The following TESK2 variants were observed in gnomAD, a reference collection of about 807,000 sequenced individuals.
The protein encoded by TESK2 is testis associated actin remodelling kinase 2, also known as dual specificity testis-specific protein kinase 2.
In TESK2, 39 loss-of-function variants were observed where a neutral mutation model predicts 57.1. The observed-to-expected ratio is 0.68, with a 90% CI of 0.53 to 0.89. TESK2 has a LOEUF of 0.89. Ranked by LOEUF, TESK2 falls within the 40% of genes least tolerant of loss-of-function variation. TESK2 has a pLI of 0.00. For missense variants in TESK2, 646 were observed against 732.1 expected (o/e 0.88, Z 1.36); for synonymous variants, 249 against 267.9 (o/e 0.93, Z 0.69).
intron 4 of TESK2, among the ~76,000 whole-genome samples, chr1:45,367,393 C>A (rs897466789): frequency 6.6e-6 from 1 of 151,722 alleles, no homozygotes; most frequent in African/African-American, 2.4e-5. Context: ...TCATTTGGTT[C>A]CTCGTTCTCC....
intron 3 of TESK2, among the ~76,000 whole-genome samples, chr1:45,397,477 C>T (rs1570688117): frequency 1.3e-5 from 2 of 152,266 alleles, no homozygotes; most frequent in South Asian, 2.1e-4. Context: ...TTACAGATCC[C>T]GATTAAAGTC....
chr1:45,345,447 T>A lies in TESK2; in HGVS notation c.1109A>T (p.Asp370Val), dbSNP rs56051744. ...RTIWLSRSQSDIFSRKPPRTV... is the reference protein window; with the variant it reads ...RTIWLSRSQSVIFSRKPPRTV... ...ACGTGGGGGCTTACGGGAAAAGATATCTGACTGGCTTCGAGACAGCCAGAT... is the reference window on the plus strand; with the variant it reads ...ACGTGGGGGCTTACGGGAAAAGATAACTGACTGGCTTCGAGACAGCCAGAT... Residue 370 changes from aspartate (D) to valine (V), a missense_variant, in exon 11 of 11, where the codon GAT (aspartate) becomes GTT (valine). Physicochemically the swap from Asp to Val is radical, Grantham distance 152 (BLOSUM62 -3). Transcript: ENST00000372086. The A allele has an allele frequency of 1.2e-6, 2 of 1,614,012 alleles. No individual in the cohort carries two copies. Among genetic ancestry groups the A allele is most frequent in the Admixed American group, 3.3e-5 (2 of 59,994 alleles).
intron 3 of TESK2, among the ~76,000 whole-genome samples, chr1:45,389,998 T>A (rs1557553889): frequency 6.6e-6 from 1 of 152,176 alleles, no homozygotes; most frequent in Non-Finnish European, 1.5e-5. Flanking sequence ...AGAATAACAT[T>A]AAAACTTCCC....
At chr1:45,434,855 C>T (rs1228988799) in intron 2 of TESK2, among the ~76,000 whole-genome samples, 2 of 151,872 alleles carry the variant, frequency 1.3e-5, no homozygotes, top group Admixed American at 6.6e-5. Context: ...AATATAGTCC[C>T]ATTTGTCGAT....
intron 2 of TESK2, among the ~76,000 whole-genome samples, chr1:45,429,710 G>A (rs1314437709): frequency 2.0e-5 from 3 of 152,136 alleles, no homozygotes; most frequent in Admixed American, 2.0e-4. Flanking sequence ...GACTTTCCAA[G>A]AAATCAGGAA....
chr1:45,346,911 G>T, intron 8 of TESK2, 68 bp downstream of exon 8: 1 of 1,578,522 alleles, frequency 6.3e-7, no homozygotes, highest in Non-Finnish European at 8.7e-7. Flanking sequence ...TCCATCCCAG[G>T]GACAGAACAG....
chr1:45,432,758 C>CA (rs1651026104), intron 2 of TESK2, among the ~76,000 whole-genome samples: 2 of 87,664 alleles, frequency 2.3e-5, no homozygotes, highest in East Asian at 3.9e-4. Flanking sequence ...AATATTATAA[C>CA]TTTTTTTTTT....
intron 3 of TESK2, among the ~76,000 whole-genome samples, chr1:45,395,836 T>A (rs1412204264): frequency 1.3e-5 from 2 of 152,124 alleles, no homozygotes; most frequent in African/African-American, 4.8e-5. Flanking sequence ...GCCTTATAAC[T>A]TTTTTACTAG....
intron 5 of TESK2, among the ~76,000 whole-genome samples, chr1:45,348,269 A>T (rs2153608): frequency 6.6e-6 from 1 of 152,034 alleles, no homozygotes; most frequent in Non-Finnish European, 1.5e-5. Context: ...GCTAGGCATA[A>T]TTTTAAGTGC....
chr1:45,421,132 G>A (rs1650459297), intron 3 of TESK2, among the ~76,000 whole-genome samples: 1 of 152,100 alleles, frequency 6.6e-6, no homozygotes, highest in Non-Finnish European at 1.5e-5. Flanking sequence ...TGGTGCGCCT[G>A]TAGTTCCAGC....
intron 2 of TESK2, among the ~76,000 whole-genome samples, chr1:45,449,221 C>CAAAAAAAAAAAAAA (rs568238822): frequency 1.8e-5 from 1 of 56,848 alleles, no homozygotes. Flanking sequence ...GACTCTGTCT[C>CAAAAAAAAAAAAAA]AAAAAAAAAA....
At chr1:45,440,724 A>AAAAC (rs201978292) in intron 2 of TESK2, among the ~76,000 whole-genome samples, 1 of 148,744 alleles carries the variant, frequency 6.7e-6, no homozygotes, top group Non-Finnish European at 1.5e-5. Flanking sequence ...TCAAAAAAAA[A>AAAAC]AAACAAACAA....
intron 3 of TESK2, chr1:45,413,881 A>C (rs1350218645): frequency 2.2e-6 from 1 of 455,888 alleles, no homozygotes; most frequent in South Asian, 1.5e-5. Flanking sequence ...CTATAAAAGA[A>C]AGCTTATAAT....
intron 2 of TESK2, among the ~76,000 whole-genome samples, chr1:45,448,118 C>T (rs1212429644): frequency 2.0e-5 from 3 of 147,792 alleles, no homozygotes; most frequent in African/African-American, 5.0e-5. Flanking sequence ...CACACTTGTA[C>T]TCTCAGCTAC....
In TESK2 at chr1:45,446,676, G is replaced by A. The variant is rs76031564; in HGVS notation, c.222+10888C>T. Reference sequence around the variant, plus strand: ...ACTATAAAATGCATACAAACAGTAGGTAATCAGTACAATCAAAGAGTAATT... The same window carrying A: ...ACTATAAAATGCATACAAACAGTAGATAATCAGTACAATCAAAGAGTAATT... On this transcript the variant is annotated intron_variant, in intron 2 of 10. Transcript: ENST00000372086. 5.6e-4 allele frequency among the ~76,000 whole-genome samples: 85 copies of A among 152,204 alleles called. No individual in the cohort carries two copies. The East Asian group carries it at 0.013, about 23-fold the overall frequency.
At chr1:45,420,747 GCTAA>G (rs1392286028) in intron 3 of TESK2, among the ~76,000 whole-genome samples, 3 of 150,390 alleles carry the variant, frequency 2.0e-5, no homozygotes, top group Non-Finnish European at 4.4e-5. Context: ...ACCACGCCCG[GCTAA>G]CTGTTTTTTT....
At chr1:45,423,579 T>A (rs1650571624) in intron 2 of TESK2, among the ~76,000 whole-genome samples, 2 of 138,150 alleles carry the variant, frequency 1.4e-5, no homozygotes, top group Non-Finnish European at 3.2e-5. Flanking sequence ...AAAAAATCTA[T>A]AAAAAAAAAA....
intron 1 of TESK2, among the ~76,000 whole-genome samples, chr1:45,477,058 CA>C (rs367548030): frequency 8.1e-6 from 1 of 123,516 alleles, no homozygotes; most frequent in East Asian, 2.3e-4. Flanking sequence ...ACGTCTCTAC[CA>C]AAAAAAAAAA....
intron 4 of TESK2, among the ~76,000 whole-genome samples, chr1:45,377,105 A>G (rs1331232035): frequency 1.3e-5 from 2 of 152,122 alleles, no homozygotes; most frequent in East Asian, 3.9e-4. Flanking sequence ...CTGTAGTTCC[A>G]GCTAATGGGG....
Sources: allele counts gnomAD v4.1 joint callset (sites outside exome capture counted in the v4.1 genomes callset), GRCh38; gene constraint gnomAD v4.1.1; transcripts MANE v1.5; gene names NCBI Gene and HGNC (gene_info 2026-07-23, HGNC 2026-07-21).